The following BTBD16 variants were observed in gnomAD, a reference collection of about 807,000 sequenced individuals.
The protein encoded by BTBD16 is BTB/POZ domain-containing protein 16.
Under a neutral mutation model 67.4 loss-of-function variants are expected in BTBD16, and 66 were observed. The ratio of observed to expected loss-of-function variants is 0.98; its 90% CI spans 0.80 to 1.20. The LOEUF (loss-of-function observed/expected upper bound fraction) is 1.20, where lower values mean the gene tolerates loss of function less well. Ranked by LOEUF, BTBD16 falls within the 50% of genes most tolerant of loss-of-function variation. The pLI is 0.00. For missense variants in BTBD16, 634 were observed against 616.0 expected, an observed-to-expected ratio of 1.03 and a Z score of -0.31; for synonymous variants, 242 against 236.4, an observed-to-expected ratio of 1.02 and a Z score of -0.22.
At chr10:122,274,046 T>A (rs1468629162) in intron 1 of BTBD16, among the ~76,000 whole-genome samples, 1 of 152,218 alleles carries the variant, frequency 6.6e-6, no homozygotes, top group Non-Finnish European at 1.5e-5. Context: ...ATGGCTGTGA[T>A]GCAGGTGAAG....
At chr10:122,319,774 T>A (rs1267097134) in intron 10 of BTBD16, among the ~76,000 whole-genome samples, 1 of 152,146 alleles carries the variant, frequency 6.6e-6, no homozygotes. Context: ...GGAATTTTGA[T>A]AAGGATTGTC....
intron 5 of BTBD16, 163 bp downstream of exon 5, chr10:122,286,411 T>C: frequency 2.9e-6 from 2 of 681,812 alleles, no homozygotes; most frequent in Non-Finnish European, 3.6e-6. Flanking sequence ...TTTCCTCAAG[T>C]GTAAAATGGG....
rs750527353 is a variant in BTBD16 at position 122,338,043 on chromosome 10, C to A, written c.1479C>A (p.Ile493=). The change falls in exon 16 of 16, where the codon ATC becomes ATA. Residue 493 remains isoleucine, a synonymous_variant. Coordinates refer to ENST00000260723, the MANE Select transcript of BTBD16 (RefSeq NM_144587.5). The part of the protein sequence containing the change: ...SHTLKIQTVG[I]PIYVSFAFIF... ...CCTTGAAAATCCAAACTGTGGGCAT[C>A]CCAATCTATGTAAGTTTTGCATTCA... The A allele has an allele frequency of 6.2e-7, 1 of 1,612,468 alleles. No homozygotes were observed. Among genetic ancestry groups the A allele is most frequent in the African/African-American group, 1.3e-5 (1 of 74,976 alleles).
chr10:122,334,396 C>T (rs954451199), intron 13 of BTBD16, among the ~76,000 whole-genome samples: 18 of 148,982 alleles, frequency 1.2e-4, no homozygotes, highest in Admixed American at 4.0e-4. Flanking sequence ...GAGGTTTCAC[C>T]ATGTTAGCCA....
intron 7 of BTBD16, among the ~76,000 whole-genome samples, chr10:122,293,132 G>A (rs1302284487): frequency 6.6e-6 from 1 of 152,152 alleles, no homozygotes; most frequent in Non-Finnish European, 1.5e-5. Flanking sequence ...GAAGAGATCA[G>A]GGCAGGAGGT....
At chr10:122,303,122 C>T (rs368891974) in intron 9 of BTBD16, among the ~76,000 whole-genome samples, 19 of 152,026 alleles carry the variant, frequency 1.2e-4, no homozygotes, top group South Asian at 2.1e-4. Context: ...CCCAAATGAA[C>T]GAATATTAAT....
At chr10:122,284,646 T>A (rs533769347) in intron 4 of BTBD16, among the ~76,000 whole-genome samples, 1 of 150,492 alleles carries the variant, frequency 6.6e-6, no homozygotes, top group Non-Finnish European at 1.5e-5. Flanking sequence ...TCATTGAGCC[T>A]CATGAGGAGG....
chr10:122,329,371 C>A, intron 10 of BTBD16, 109 bp from the exon 11 acceptor site: 1 of 1,012,994 alleles, frequency 9.9e-7, no homozygotes, highest in South Asian at 1.4e-5. Context: ...CCCATCTCCC[C>A]CTGGCTAGTG....
At chr10:122,275,431 C>T (rs182193199) in intron 2 of BTBD16, among the ~76,000 whole-genome samples, 1 of 152,276 alleles carries the variant, frequency 6.6e-6, no homozygotes, top group Admixed American at 6.5e-5. Flanking sequence ...ATACTTTTTA[C>T]AGCATTGGAA....
intron 3 of BTBD16, among the ~76,000 whole-genome samples, chr10:122,281,388 G>GT (rs1243804650): frequency 6.6e-6 from 1 of 151,458 alleles, no homozygotes; most frequent in Non-Finnish European, 1.5e-5. Context: ...TTTTTGTTTT[G>GT]TTTTTTTAAA....
At chr10:122,313,922 A>G (rs1247502756) in intron 10 of BTBD16, among the ~76,000 whole-genome samples, 1 of 152,218 alleles carries the variant, frequency 6.6e-6, no homozygotes, top group Non-Finnish European at 1.5e-5. Context: ...AGTCTTGTCT[A>G]TCCTTGAACC....
chr10:122,313,860 G>T (rs540369852), intron 10 of BTBD16, among the ~76,000 whole-genome samples: 2 of 152,198 alleles, frequency 1.3e-5, no homozygotes, highest in African/African-American at 2.4e-5. Context: ...AGTGTCATAC[G>T]ACTATATGTA....
rs965263033 is a variant in BTBD16 at position 122,331,315 on chromosome 10, T to C, written c.1086+57T>C. 11 of 1,597,806 alleles carry C rather than the reference T, an allele frequency of 6.9e-6. No homozygotes were observed. The African/African-American group carries it at 1.4e-4, about 20-fold the overall frequency. On this transcript the variant is annotated intron_variant, in intron 12 of 15. Coordinates refer to ENST00000260723, the MANE Select transcript of BTBD16 (RefSeq NM_144587.5). ...TCGAAGTTTATTGCCTCTCTGACTTTGTTTTTTCTGGAGATGTGTTTCACA... is the reference window on the plus strand; with the variant it reads ...TCGAAGTTTATTGCCTCTCTGACTTCGTTTTTTCTGGAGATGTGTTTCACA...
At chr10:122,292,135 G>GT (rs940233105) in intron 7 of BTBD16, among the ~76,000 whole-genome samples, 2 of 152,200 alleles carry the variant, frequency 1.3e-5, no homozygotes, top group Non-Finnish European at 2.9e-5. Flanking sequence ...ACCTGGGTCC[G>GT]TGCAGGGTCT....
At chr10:122,303,687 A>G (rs1481722662) in intron 9 of BTBD16, 4 of 891,652 alleles carry the variant, frequency 4.5e-6, no homozygotes, top group African/African-American at 1.8e-5. Flanking sequence ...TATGAAAAGC[A>G]TTTTTTTCCC....
chr10:122,273,300 T>C (rs1363141968), intron 1 of BTBD16, among the ~76,000 whole-genome samples: 1 of 150,490 alleles, frequency 6.6e-6, no homozygotes, highest in African/African-American at 2.4e-5. Context: ...TGTATAGATA[T>C]ATGTATACAC....
intron 4 of BTBD16, 21 bp from the exon 5 acceptor site, chr10:122,286,084 A>T: frequency 6.2e-7 from 1 of 1,606,922 alleles, no homozygotes; most frequent in South Asian, 1.1e-5. Context: ...GTGTTTGCTC[A>T]GCATCATTTT....
chr10:122,336,372 GA>G, intron 14 of BTBD16, 121 bp from the exon 15 acceptor site: 2 of 833,224 alleles, frequency 2.4e-6, no homozygotes, highest in Non-Finnish European at 3.5e-6. Context: ...TGCCAATTGG[GA>G]AATGCCCTCT....
intron 10 of BTBD16, among the ~76,000 whole-genome samples, chr10:122,318,710 C>T (rs1044830185): frequency 6.6e-5 from 10 of 152,098 alleles, no homozygotes; most frequent in African/African-American, 1.7e-4. Context: ...CTCAGCCTCC[C>T]GAGTAGCTGG....
Sources: gnomAD v4.1 joint callset for allele counts (sites outside exome capture counted in the v4.1 genomes callset) on GRCh38, gnomAD v4.1.1 for gene constraint, MANE v1.5 for transcripts, NCBI Gene and HGNC (gene_info 2026-07-23, HGNC 2026-07-21) for gene names.